The following DENND1B variants were observed in gnomAD, a reference collection of about 807,000 sequenced individuals.
DENND1B encodes DENN domain containing 1B, also known as DENN domain-containing protein 1B.
A neutral mutation model predicts 90.1 loss-of-function variants in DENND1B; 59 were observed. That is an observed-to-expected ratio of 0.65 (90% CI 0.53 to 0.81). The LOEUF (loss-of-function observed/expected upper bound fraction) is 0.81, where lower values mean the gene tolerates loss of function less well. DENND1B is among the 40% of genes least tolerant of loss of function. The pLI is 0.00. For synonymous variants in DENND1B, 337 were observed against 324.6 expected (o/e 1.04, Z -0.41); for missense variants, 862 against 912.6 (o/e 0.94, Z 0.71).
At chr1:197,641,993 A>G (rs1309688423) in intron 10 of DENND1B, among the ~76,000 whole-genome samples, 1 of 152,098 alleles carries the variant, frequency 6.6e-6, no homozygotes, top group Admixed American at 6.5e-5. Context: ...ATTATCTAAA[A>G]CTATATTTAA....
rs375637022 is a variant in DENND1B, at chr1:197,511,786, G to T, written c.1757C>A (p.Ala586Glu). 39 of 1,610,674 alleles carry T rather than the reference G, an allele frequency of 2.4e-5. No individual in the cohort carries two copies. In the East Asian group the frequency reaches 8.5e-4, roughly 35 times the overall value. Residue 586 changes from alanine to glutamate, a missense_variant, in exon 22 of 23, where the codon GCA becomes GAA. Coordinates refer to ENST00000620048, the MANE Select transcript of DENND1B (RefSeq NM_001195215.2). ...STHSSDQGKLAAAKSLDFFRS... is the reference protein window; with the variant it reads ...STHSSDQGKLEAAKSLDFFRS... ...AAAGAAATCCAAGCTCTTTGCAGCT[G>T]CCAGCTTCCCCTGATCTGAGCTGTG...
At chr1:197,733,894 C>G (rs921715818) in intron 2 of DENND1B, 1 of 193,700 alleles carries the variant, frequency 5.2e-6, no homozygotes, top group Non-Finnish European at 9.4e-6. Flanking sequence ...ATGTATTTTA[C>G]CAACATACAA....
intron 2 of DENND1B, among the ~76,000 whole-genome samples, chr1:197,752,906 T>G (rs1039285558): frequency 6.6e-6 from 1 of 152,010 alleles, no homozygotes. Context: ...GTCTTTGTGA[T>G]AGTTTGCTCA....
In DENND1B at chr1:197,511,750, T is replaced by A. The variant is rs771408501; in HGVS notation, c.1793A>T (p.Asp598Val). ...AKSLDFFRSMDDIDYKPTNKS... is the reference protein window; with the variant it reads ...AKSLDFFRSMVDIDYKPTNKS... ...AACCGTAGGTTTGTAATCAATGTCA[T>A]CCATTGATCTAAAGAAATCCAAGCT... The change falls in exon 22 of 23, where the codon GAT becomes GTT. Residue 598 changes from aspartate (D) to valine (V), a missense_variant. Physicochemically the swap from Asp to Val is radical, Grantham distance 152. Coordinates refer to ENST00000620048, the MANE Select transcript of DENND1B (RefSeq NM_001195215.2). The A allele has an allele frequency of 6.2e-7, 1 of 1,607,020 alleles. No homozygotes were observed.
intron 10 of DENND1B, among the ~76,000 whole-genome samples, chr1:197,618,311 A>G (rs1677846884): frequency 6.6e-6 from 1 of 151,148 alleles, no homozygotes; most frequent in African/African-American, 2.4e-5. Context: ...TACGGTATCA[A>G]GAGACTCTGT....
At chr1:197,713,820 ATATAT>A (rs1400514551) in intron 3 of DENND1B, among the ~76,000 whole-genome samples, 1 of 56,070 alleles carries the variant, frequency 1.8e-5, no homozygotes, top group Non-Finnish European at 3.2e-5. Context: ...ATTATATATA[ATATAT>A]TATATATAAT....
Position 197,625,309 on chromosome 1 carries a change from A to G in DENND1B, c.673-7550T>C, listed in dbSNP as rs1294673834. ...AAGGGAAGCCCATCAGACTAACAGCAGATCTCTCAGCAGAAACGCTACAAG... is the reference window on the plus strand; with the variant it reads ...AAGGGAAGCCCATCAGACTAACAGCGGATCTCTCAGCAGAAACGCTACAAG... On this transcript the variant is annotated intron_variant, in intron 10 of 22. Transcript: ENST00000620048. Among the ~76,000 whole-genome samples, 23 of 152,192 alleles carry G rather than the reference A, an allele frequency of 1.5e-4. No individual in the cohort carries two copies. In the East Asian group the frequency reaches 2.7e-3, roughly 18 times the overall value.
chr1:197,556,491 T>G (rs542822122), intron 15 of DENND1B, among the ~76,000 whole-genome samples: 4 of 152,140 alleles, frequency 2.6e-5, no homozygotes, highest in African/African-American at 9.6e-5. Flanking sequence ...AATCTTAGAT[T>G]TTTTAGAGCA....
intron 13 of DENND1B, among the ~76,000 whole-genome samples, chr1:197,598,538 T>C (rs1267283651): frequency 6.6e-6 from 1 of 151,870 alleles, no homozygotes; most frequent in Non-Finnish European, 1.5e-5. Context: ...CTGTACTTTT[T>C]AATACCTGGT....
intron 5 of DENND1B, among the ~76,000 whole-genome samples, chr1:197,665,927 C>G (rs891510809): frequency 2.0e-5 from 3 of 152,104 alleles, no homozygotes; most frequent in Admixed American, 2.0e-4. Context: ...TCCTTTGCTT[C>G]TGACAATGAA....
At chr1:197,746,801 C>A in intron 2 of DENND1B, 2 of 1,599,766 alleles carry the variant, frequency 1.3e-6, no homozygotes, top group South Asian at 2.2e-5. Context: ...TGCTTCAAAC[C>A]CCCATGCAAG....
intron 3 of DENND1B, among the ~76,000 whole-genome samples, chr1:197,675,115 C>CA (rs1207007701): frequency 2.0e-5 from 3 of 151,992 alleles, no homozygotes; most frequent in African/African-American, 7.2e-5. Flanking sequence ...TTTTACAAGA[C>CA]AAAGAATTTT....
intron 3 of DENND1B, among the ~76,000 whole-genome samples, chr1:197,714,411 A>G (rs1660426520): frequency 1.3e-5 from 2 of 152,192 alleles, no homozygotes; most frequent in African/African-American, 4.8e-5. Flanking sequence ...TACATATATC[A>G]TGTAAAACTA....
intron 20 of DENND1B, among the ~76,000 whole-genome samples, chr1:197,517,481 G>T (rs1271132996): frequency 6.6e-6 from 1 of 151,724 alleles, no homozygotes; most frequent in African/African-American, 2.4e-5. Context: ...TCCTTTACAA[G>T]AAACACTTTT....
At chr1:197,550,456 T>A (rs1252232401) in intron 16 of DENND1B, among the ~76,000 whole-genome samples, 1 of 152,038 alleles carries the variant, frequency 6.6e-6, no homozygotes, top group Non-Finnish European at 1.5e-5. Context: ...ATGTGGCACA[T>A]ATACACCATG....
chr1:197,550,309 A>G (rs1038903984), intron 16 of DENND1B, among the ~76,000 whole-genome samples: 2 of 152,134 alleles, frequency 1.3e-5, no homozygotes, highest in Non-Finnish European at 2.9e-5. Context: ...AAAAAACAGT[A>G]TATCTTTGAA....
chr1:197,602,755 C>T (rs7531581), intron 13 of DENND1B, among the ~76,000 whole-genome samples: 120,981 of 151,172 alleles, frequency 0.8, 48,522 homozygotes, highest in East Asian at 0.87. Context: ...TTTAGAATTC[C>T]CTGAAAAAAC....
intron 15 of DENND1B, among the ~76,000 whole-genome samples, chr1:197,580,014 G>GTTGT (rs1169752021): frequency 1.4e-5 from 2 of 142,594 alleles, no homozygotes; most frequent in Non-Finnish European, 3.1e-5. Context: ...AGTTTCATCT[G>GTTGT]TTGTTTCTGC....
chr1:197,762,571 C>CATGGATTTAACAA (rs1655218295), intron 2 of DENND1B, among the ~76,000 whole-genome samples: 1 of 152,174 alleles, frequency 6.6e-6, no homozygotes, highest in African/African-American at 2.4e-5. Context: ...CAGCTAAAAT[C>CATGGATTTAACAA]CATGTATTTA....
Sources: allele counts gnomAD v4.1 joint callset (sites outside exome capture counted in the v4.1 genomes callset), GRCh38; gene constraint gnomAD v4.1.1; transcripts MANE v1.5; gene names NCBI Gene and HGNC (gene_info 2026-07-23, HGNC 2026-07-21).